Variants in MACROD2 observed in about 807,000 individuals in gnomAD.
The protein encoded by MACROD2 is ADP-ribose glycohydrolase MACROD2.
Under a neutral mutation model 70.4 loss-of-function variants are expected in MACROD2, and 36 were observed. The observed-to-expected ratio is 0.51, with a 90% CI of 0.39 to 0.68. The LOEUF (loss-of-function observed/expected upper bound fraction) is 0.68. Ranked by LOEUF, MACROD2 falls within the 30% of genes least tolerant of loss-of-function variation. The probability of loss-of-function intolerance (pLI) is 0.00; values close to 1 mark genes in which losing one functional copy is unlikely to be tolerated. For missense variants in MACROD2, 496 were observed against 538.4 expected (o/e 0.92, Z 0.78); for synonymous variants, 172 against 178.8 (o/e 0.96, Z 0.30).
chr20:15,774,503 T>C (rs2147025265), intron 8 of MACROD2, among the ~76,000 whole-genome samples: 1 of 152,288 alleles, frequency 6.6e-6, no homozygotes, highest in South Asian at 2.1e-4. Flanking sequence ...GAGATTCTGA[T>C]GGGTCCAAAT....
intron 5 of MACROD2, among the ~76,000 whole-genome samples, chr20:14,885,591 A>G (rs984122257): frequency 6.6e-6 from 1 of 152,182 alleles, no homozygotes; most frequent in Non-Finnish European, 1.5e-5. Context: ...GTAAGAGTAA[A>G]GTGCAAATTT....
intron 8 of MACROD2, among the ~76,000 whole-genome samples, chr20:15,859,535 A>G (rs898755049): frequency 6.6e-6 from 1 of 152,212 alleles, no homozygotes; most frequent in Non-Finnish European, 1.5e-5. Flanking sequence ...CTTGTCAACT[A>G]TATGAGCTCT....
chr20:15,345,388 A>G (rs2078155018), intron 6 of MACROD2, among the ~76,000 whole-genome samples: 1 of 152,230 alleles, frequency 6.6e-6, no homozygotes, highest in African/African-American at 2.4e-5. Context: ...GTCTGTATCC[A>G]GCAGCCCATG....
At chr20:14,892,670 T>G (rs1371816511) in intron 5 of MACROD2, 1 of 152,162 alleles carries the variant, frequency 6.6e-6, no homozygotes, top group African/African-American at 2.4e-5. Flanking sequence ...CTGTCTCCAT[T>G]GAACAACAAC....
At position 15,499,852 on chromosome 20, in the gene MACROD2, G is replaced by A. The variant is rs774383283; in HGVS notation, c.645+5G>A. On this transcript the variant is annotated splice_donor_5th_base_variant and intron_variant, in intron 8 of 17. Transcript: ENST00000684519. ...CTTGCCAAGAATCACCATGAGGTAG[G>A]AGGAACGACATAATCAGTGAACATC... 1 of 1,612,726 alleles carries A rather than the reference G, an allele frequency of 6.2e-7. No individual in the cohort carries two copies. The highest frequency in any genetic ancestry group is 8.5e-7 in the Non-Finnish European group (1 of 1,178,828).
chr20:15,800,306 A>AT (rs137872350), intron 8 of MACROD2, among the ~76,000 whole-genome samples: 1 of 151,744 alleles, frequency 6.6e-6, no homozygotes, highest in Non-Finnish European at 1.5e-5. Context: ...CCATTTGCCT[A>AT]TTTTTTTGTT....
chr20:14,070,323 TTG>T (rs57671586), intron 2 of MACROD2, among the ~76,000 whole-genome samples: 89,390 of 150,582 alleles, frequency 0.59, 26,670 homozygotes, highest in Non-Finnish European at 0.64. Flanking sequence ...ATAGAGGGGT[TTG>T]TGTGTGTGTG....
chr20:15,583,221 T>C (rs1035447851), intron 8 of MACROD2, among the ~76,000 whole-genome samples: 2 of 152,298 alleles, frequency 1.3e-5, no homozygotes, highest in African/African-American at 4.8e-5. Context: ...CTGGAACTAG[T>C]TCTGTGGTCT....
chr20:14,311,331 A>T (rs185003280), intron 3 of MACROD2, among the ~76,000 whole-genome samples: 1 of 152,184 alleles, frequency 6.6e-6, no homozygotes, highest in African/African-American at 2.4e-5. Flanking sequence ...AGTATTCAGT[A>T]TAGTAACATG....
chr20:14,337,035 C>A (rs1426054945), intron 3 of MACROD2, among the ~76,000 whole-genome samples: 3 of 152,166 alleles, frequency 2.0e-5, no homozygotes, highest in Non-Finnish European at 2.9e-5. Context: ...GTGATCATCC[C>A]ACACGTACAG....
rs999602420 is a variant in MACROD2, at chr20:15,254,912, T to C, written c.540+24851T>C. ...GTGAATTCCTTGAATTGTAAACCAT[T>C]TGGGGCCAAAGCACACCTTTTTTTT... On this transcript the variant is annotated intron_variant, in intron 6 of 17. Coordinates refer to ENST00000684519, the MANE Select transcript of MACROD2 (RefSeq NM_001351661.2). 6.6e-5 allele frequency among the ~76,000 whole-genome samples: 10 copies of C among 150,554 alleles called. No homozygotes were observed. In the South Asian group the frequency reaches 8.5e-4, roughly 13 times the overall value.
At chr20:14,397,478 A>G (rs2083593243) in intron 3 of MACROD2, among the ~76,000 whole-genome samples, 1 of 152,192 alleles carries the variant, frequency 6.6e-6, no homozygotes, top group Non-Finnish European at 1.5e-5. Flanking sequence ...AGCTCTTAAA[A>G]TAGTATATTT....
chr20:14,973,302 GT>G (rs1405892758), intron 5 of MACROD2, among the ~76,000 whole-genome samples: 1 of 146,342 alleles, frequency 6.8e-6, no homozygotes, highest in Non-Finnish European at 1.5e-5. Context: ...TGCGATCTTG[GT>G]TCACTGCAAC....
At position 15,625,593 on chromosome 20, in the gene MACROD2, G is replaced by T. The variant is rs1053342163; in HGVS notation, c.645+125746G>T. Reference sequence around the variant, plus strand: ...TGCTGGTTGATTGATTAAAACATATGTAAGATAGAGAGTGGCTTAGTAAAA... The same window carrying T: ...TGCTGGTTGATTGATTAAAACATATTTAAGATAGAGAGTGGCTTAGTAAAA... On this transcript the variant is annotated intron_variant, in intron 8 of 17. Coordinates refer to ENST00000684519, the MANE Select transcript of MACROD2 (RefSeq NM_001351661.2). Among the ~76,000 whole-genome samples the T allele has an allele frequency of 8.5e-5, 13 of 152,160 alleles. 1 individual carries two copies. Among genetic ancestry groups the T allele is most frequent in the African/African-American group, 3.1e-4 (13 of 41,432 alleles).
chr20:14,630,611 A>G (rs1890155751), intron 4 of MACROD2, among the ~76,000 whole-genome samples: 1 of 152,180 alleles, frequency 6.6e-6, no homozygotes, highest in African/African-American at 2.4e-5. Flanking sequence ...CACTTACACA[A>G]TAGGATTTTA....
At chr20:15,435,115 C>T (rs1484981404) in intron 7 of MACROD2, among the ~76,000 whole-genome samples, 1 of 151,988 alleles carries the variant, frequency 6.6e-6, no homozygotes, top group Non-Finnish European at 1.5e-5. Context: ...TCAGAAATTA[C>T]CACCAAAGAA....
chr20:15,892,185 A>C (rs984519365), intron 10 of MACROD2, among the ~76,000 whole-genome samples: 2 of 152,170 alleles, frequency 1.3e-5, no homozygotes, highest in Non-Finnish European at 2.9e-5. Context: ...AGAGGGGCAA[A>C]CAGATATCCA....
intron 8 of MACROD2, among the ~76,000 whole-genome samples, chr20:15,616,363 C>T (rs2049039280): frequency 1.3e-5 from 2 of 152,188 alleles, no homozygotes; most frequent in Admixed American, 1.3e-4. Context: ...CTCGGCCTCC[C>T]AAAGTGCTAG....
chr20:15,689,023 G>T (rs1280470704), intron 8 of MACROD2, among the ~76,000 whole-genome samples: 3 of 152,358 alleles, frequency 2.0e-5, no homozygotes, highest in Non-Finnish European at 4.4e-5. Flanking sequence ...GGTAGATTGG[G>T]CCGGGCGTGA....
Sources: allele counts gnomAD v4.1 joint callset (sites outside exome capture counted in the v4.1 genomes callset), GRCh38; gene constraint gnomAD v4.1.1; transcripts MANE v1.5; gene names NCBI Gene and HGNC (gene_info 2026-07-23, HGNC 2026-07-21).